The following MAPKAPK2 variants were observed in gnomAD, a reference collection of about 807,000 sequenced individuals.
MAPKAPK2 encodes the protein MAP kinase-activated protein kinase 2.
In MAPKAPK2, 9 loss-of-function variants were observed where a neutral mutation model predicts 48.8. The observed-to-expected ratio is 0.18, with a 90% confidence interval of 0.11 to 0.32. The LOEUF is 0.32. Among genes scored for constraint, MAPKAPK2 ranks in the 10% least tolerant of loss-of-function variants. The pLI is 1.00. For synonymous variants in MAPKAPK2, 202 were observed against 190.6 expected, an observed-to-expected ratio of 1.06 and a Z score of -0.49; for missense variants, 331 against 498.3, an observed-to-expected ratio of 0.66 and a Z score of 3.20.
intron 1 of MAPKAPK2, among the ~76,000 whole-genome samples, chr1:206,705,955 C>T (rs782774451): frequency 1.3e-5 from 2 of 152,108 alleles, no homozygotes; most frequent in African/African-American, 2.4e-5. Context: ...TGTTGCAGGC[C>T]TCAACACCCT....
chr1:206,710,674 G>A (rs1673115457), intron 1 of MAPKAPK2, among the ~76,000 whole-genome samples: 1 of 152,226 alleles, frequency 6.6e-6, no homozygotes, highest in Non-Finnish European at 1.5e-5. Flanking sequence ...AGGTGACACT[G>A]CAGAAGGAAA....
rs573100460 is a variant in MAPKAPK2 at position 206,717,061 on chromosome 1, A to T, written c.280-11649A>T. Among the ~76,000 whole-genome samples, 270 of 152,318 alleles carry T rather than the reference A, an allele frequency of 1.8e-3. 1 individual carries two copies. Among genetic ancestry groups the T allele is most frequent in the Non-Finnish European group, 3.2e-3 (220 of 68,030 alleles). On this transcript the variant is annotated intron_variant, in intron 1 of 9. Transcript: ENST00000367103. The stretch of plus-strand genomic sequence containing the variant: ...CAGGCCTGTGAACAGAGCAAAGACG[A>T]GTCACTTAGGAGGGGACGAGAGAGG...
Position 206,732,241 on chromosome 1 carries a change from G to A in MAPKAPK2, c.1059+322G>A. 1 of 1,497,118 alleles carries A rather than the reference G, an allele frequency of 6.7e-7. No homozygotes were observed. Among genetic ancestry groups the A allele is most frequent in the Non-Finnish European group, 8.9e-7 (1 of 1,119,104 alleles). The allele number at this position is 1,497,118 out of a possible 1,614,324, so 92.7% of individuals were successfully genotyped here. On this transcript the variant is annotated intron_variant, in intron 9 of 9. Transcript: ENST00000367103. The surrounding 1 kb of genome is among the most constrained non-coding windows in gnomAD (Gnocchi z 4.4). ...GAGGCCCAGAGGCGGAGGGCAGTCT[G>A]CTCAAGGTCACGCAGCTGGTGACTG... is the stretch of plus-strand genomic sequence containing the variant.
In MAPKAPK2 at chr1:206,685,523, C is replaced by T. The variant is rs782526749; in HGVS notation, c.279+15C>T. On this transcript the variant is annotated intron_variant, in intron 1 of 9. Transcript: ENST00000367103. ...TCGCCCTCAAAGTAGGTCTGGGGCC[C>T]GGGGAGGGGAGGCGGGGCCGGTCCC... The T allele has an allele frequency of 6.1e-5, 91 of 1,491,796 alleles. No homozygotes were observed. Among genetic ancestry groups the T allele is most frequent in the Non-Finnish European group, 7.8e-5 (87 of 1,113,530 alleles). 92.4% of individuals were successfully genotyped at this position (1,491,796 alleles called of 1,614,324 possible).
At chr1:206,718,678 G>C (rs140450498) in intron 1 of MAPKAPK2, among the ~76,000 whole-genome samples, 5 of 151,948 alleles carry the variant, frequency 3.3e-5, no homozygotes, top group Non-Finnish European at 7.4e-5. Context: ...CTACGACACC[G>C]CACGTTTTCC....
Position 206,732,103 on chromosome 1 carries a change from T to C in MAPKAPK2, c.1059+184T>C. ...TGACCAGGTTGTGAGCAGAGGATTC[T>C]GTGTTCCTGTCCAAACTCAGTGCTG... On this transcript the variant is annotated intron_variant, in intron 9 of 9. Transcript: ENST00000367103. The surrounding 1 kb of genome is among the most constrained non-coding windows in gnomAD (Gnocchi z 4.4). 1 of 1,614,240 alleles carries C rather than the reference T, an allele frequency of 6.2e-7. No homozygotes were observed. Among genetic ancestry groups the C allele is most frequent in the Non-Finnish European group, 8.5e-7 (1 of 1,180,036 alleles).
chr1:206,696,300 G>T, intron 1 of MAPKAPK2: 1 of 922,046 alleles, frequency 1.1e-6, no homozygotes, highest in Non-Finnish European at 1.8e-6. Flanking sequence ...CTCCGCACAG[G>T]AACGCAAGGC....
intron 1 of MAPKAPK2, among the ~76,000 whole-genome samples, chr1:206,701,998 G>C (rs1345896355): frequency 6.6e-6 from 1 of 152,090 alleles, no homozygotes; most frequent in Non-Finnish European, 1.5e-5. Context: ...GTGTCTAGTT[G>C]AATCCAAGAC....
At chr1:206,701,695 G>T (rs573819814) in intron 1 of MAPKAPK2, among the ~76,000 whole-genome samples, 1 of 151,824 alleles carries the variant, frequency 6.6e-6, no homozygotes. Context: ...TTAGCCTGGC[G>T]TGGTGGCGTA....
intron 1 of MAPKAPK2, among the ~76,000 whole-genome samples, chr1:206,688,808 G>A (rs1235440321): frequency 3.9e-5 from 6 of 152,044 alleles, no homozygotes; most frequent in African/African-American, 1.4e-4. Context: ...CTAATTTTTT[G>A]TATTTTTAGT....
chr1:206,723,942 C>T (rs563420442), intron 1 of MAPKAPK2, among the ~76,000 whole-genome samples: 6 of 152,368 alleles, frequency 3.9e-5, no homozygotes, highest in South Asian at 4.1e-4. Context: ...GCTGAGCACA[C>T]GCAATCATTA....
At position 206,692,713 on chromosome 1, in the gene MAPKAPK2, C is replaced by A. The variant is rs188488089; in HGVS notation, c.279+7205C>A. 7.7e-3 allele frequency among the ~76,000 whole-genome samples: 1,169 copies of A among 152,334 alleles called. 14 individuals are homozygous for A. Among genetic ancestry groups the A allele is most frequent in the Middle Eastern group, 0.048 (14 of 294 alleles). On this transcript the variant is annotated intron_variant, in intron 1 of 9. Transcript: ENST00000367103. ...GTGTTCTCCTCCAAGACCAGCCAAG[C>A]TGTGCGCTCATTCTGCTGGGAACCT...
chr1:206,727,892 G>A (rs1215764091), intron 1 of MAPKAPK2, among the ~76,000 whole-genome samples: 1 of 152,136 alleles, frequency 6.6e-6, no homozygotes, highest in African/African-American at 2.4e-5. Context: ...CAAAGTGCTG[G>A]GATTACAGGC....
intron 4 of MAPKAPK2, 86 bp downstream of exon 4, chr1:206,729,561 C>A: frequency 8.7e-7 from 1 of 1,155,222 alleles, no homozygotes. Context: ...TGCCAGGCCA[C>A]CCTGCGTCCT....
intron 1 of MAPKAPK2, among the ~76,000 whole-genome samples, chr1:206,710,482 AT>A (rs1476992061): frequency 6.6e-6 from 1 of 152,250 alleles, no homozygotes; most frequent in African/African-American, 2.4e-5. Context: ...AAATGTGGTA[AT>A]GCTGGTAGTG....
At chr1:206,698,879 A>G (rs879949834) in intron 1 of MAPKAPK2, among the ~76,000 whole-genome samples, 3 of 152,218 alleles carry the variant, frequency 2.0e-5, no homozygotes, top group Non-Finnish European at 2.9e-5. Flanking sequence ...TGCAAAGGCA[A>G]AAGCCTGAGG....
chr1:206,696,289 A>G, intron 1 of MAPKAPK2: 1 of 1,055,744 alleles, frequency 9.5e-7, no homozygotes, highest in Non-Finnish European at 1.5e-6. Flanking sequence ...TTGTTTCCAG[A>G]CTCCGCACAG....
intron 1 of MAPKAPK2, among the ~76,000 whole-genome samples, chr1:206,706,925 C>G (rs1269905003): frequency 6.6e-6 from 1 of 152,080 alleles, no homozygotes; most frequent in Non-Finnish European, 1.5e-5. Context: ...TGAGCCCCTT[C>G]CCTACCCCTC....
chr1:206,730,793 G>A lies in MAPKAPK2; in HGVS notation c.767+30G>A. The A allele has an allele frequency of 4.0e-6, 6 of 1,510,816 alleles. 1 individual carries two copies. Among genetic ancestry groups the A allele is most frequent in the Non-Finnish European group, 5.5e-6 (6 of 1,086,266 alleles). The allele number at this position is 1,510,816 out of a possible 1,614,324, so 93.6% of individuals were successfully genotyped here. A position where few individuals can be genotyped will look rare whatever the true frequency, so the allele number is the denominator to read the frequency against. ...GTGTGCTGGGGAGGGGGCTGGGTGG[G>A]GCAGGGAGTCAGGGCGGCCTGTACT... On this transcript the variant is annotated intron_variant, in intron 6 of 9. Coordinates refer to ENST00000367103, the MANE Select transcript of MAPKAPK2 (RefSeq NM_032960.4).
Sources: gnomAD v4.1 joint callset for allele counts (sites outside exome capture counted in the v4.1 genomes callset) on GRCh38, gnomAD v4.1.1 for gene constraint, Gnocchi (gnomAD v3.1) non-coding constraint, MANE v1.5 for transcripts, NCBI Gene and HGNC (gene_info 2026-07-23, HGNC 2026-07-21) for gene names.